The following BAIAP2 variants were observed in gnomAD, a reference collection of about 807,000 sequenced individuals.
The protein encoded by BAIAP2 is BAR/IMD domain containing adaptor protein 2, also known as BAR/IMD domain-containing adapter protein 2.
In BAIAP2, 18 loss-of-function variants were observed where a neutral mutation model predicts 63.0. The ratio of observed to expected loss-of-function variants is 0.29; its 90% confidence interval spans 0.20 to 0.42. The LOEUF is 0.42. Ranked by LOEUF, BAIAP2 falls within the 10% of genes least tolerant of loss-of-function variation. The pLI is 1.00. For missense variants in BAIAP2, 610 were observed against 734.3 expected, an observed-to-expected ratio of 0.83 and a Z score of 1.96; for synonymous variants, 386 against 307.6, an observed-to-expected ratio of 1.25 and a Z score of -2.67.
intron 1 of BAIAP2, among the ~76,000 whole-genome samples, chr17:81,036,467 C>T (rs886787441): frequency 6.6e-6 from 1 of 152,248 alleles, no homozygotes. Context: ...CTGGGAAGCC[C>T]TCTTAGCTCT....
At chr17:81,110,945 G>A (rs373875698) in intron 13 of BAIAP2, 13 of 1,613,764 alleles carry the variant, frequency 8.1e-6, no homozygotes, top group East Asian at 4.5e-5. Context: ...ATTCTGAGCC[G>A]CCTGACTAGA....
rs1463375945 is a variant in BAIAP2 at position 81,116,836 on chromosome 17, C to G, written c.*997C>G. 1 of 155,916 alleles carries G rather than the reference C, an allele frequency of 6.4e-6. No homozygotes were observed. Among genetic ancestry groups the G allele is most frequent in the Admixed American group, 6.2e-5 (1 of 16,222 alleles). 9.7% of individuals were successfully genotyped at this position (155,916 alleles called of 1,614,324 possible). Reference sequence around the variant, plus strand: ...GAGGTGTCTCCAGCAGAGCTCACTCCCGCCTACAGCCACTCACACCCCGGG... The same window carrying G: ...GAGGTGTCTCCAGCAGAGCTCACTCGCGCCTACAGCCACTCACACCCCGGG... On this transcript the variant is annotated 3_prime_UTR_variant, in exon 14 of 14. Transcript: ENST00000428708.
chr17:81,088,024 T>A (rs982752792), intron 6 of BAIAP2, among the ~76,000 whole-genome samples: 1 of 151,540 alleles, frequency 6.6e-6, no homozygotes, highest in Non-Finnish European at 1.5e-5. Flanking sequence ...GCATGGGGAG[T>A]TGAGGAGGAG....
chr17:81,080,378 C>G (rs1406467080), intron 3 of BAIAP2, among the ~76,000 whole-genome samples: 3 of 152,256 alleles, frequency 2.0e-5, no homozygotes, highest in Non-Finnish European at 4.4e-5. Flanking sequence ...CCGCTCGAAG[C>G]TCAGGGCGGG....
chr17:81,056,103 ATGT>A (rs1378680915), intron 2 of BAIAP2, among the ~76,000 whole-genome samples: 1 of 152,120 alleles, frequency 6.6e-6, no homozygotes, highest in Admixed American at 6.5e-5. Flanking sequence ...CTGGCCTGAA[ATGT>A]TGACGCTGGA....
intron 7 of BAIAP2, among the ~76,000 whole-genome samples, chr17:81,101,032 T>C (rs767321781): frequency 1.3e-5 from 2 of 151,808 alleles, no homozygotes; most frequent in African/African-American, 2.4e-5. Flanking sequence ...GGCCCTGTGT[T>C]TCCCGCTAGG....
intron 3 of BAIAP2, among the ~76,000 whole-genome samples, chr17:81,081,272 C>T (rs528904660): frequency 2.0e-5 from 3 of 152,214 alleles, no homozygotes; most frequent in East Asian, 1.9e-4. Context: ...CCGAGAAGCA[C>T]GAGGAGCCCT....
chr17:81,066,701 A>G (rs2051528771), intron 3 of BAIAP2, among the ~76,000 whole-genome samples: 1 of 152,186 alleles, frequency 6.6e-6, no homozygotes, highest in South Asian at 2.1e-4. Flanking sequence ...CCGTTGGCCA[A>G]AGTGGCTCGG....
chr17:81,114,063 C>G (rs1317294008), intron 13 of BAIAP2, among the ~76,000 whole-genome samples: 7 of 148,214 alleles, frequency 4.7e-5, no homozygotes, highest in Non-Finnish European at 1.0e-4. Flanking sequence ...CTCCTGGGTT[C>G]AAGCGATCCT....
intron 3 of BAIAP2, among the ~76,000 whole-genome samples, chr17:81,061,511 A>G (rs778079927): frequency 1.3e-5 from 2 of 152,148 alleles, no homozygotes; most frequent in Admixed American, 6.5e-5. Context: ...TTTTACATAC[A>G]TGGAACCATA....
intron 3 of BAIAP2, among the ~76,000 whole-genome samples, chr17:81,059,711 A>G (rs919091290): frequency 4.6e-5 from 7 of 152,022 alleles, no homozygotes; most frequent in Admixed American, 2.0e-4. Flanking sequence ...TTAGCCTCCT[A>G]GACTGCTGGG....
At chr17:81,072,053 T>C (rs1160038434) in intron 3 of BAIAP2, among the ~76,000 whole-genome samples, 1 of 152,256 alleles carries the variant, frequency 6.6e-6, no homozygotes, top group African/African-American at 2.4e-5. Context: ...GTGTTGGTCC[T>C]GTTGCTCCTC....
intron 1 of BAIAP2, among the ~76,000 whole-genome samples, chr17:81,050,914 C>T (rs554606617): frequency 2.0e-5 from 3 of 151,764 alleles, no homozygotes; most frequent in East Asian, 3.9e-4. Context: ...CAGCATTTCC[C>T]GACCGCCTTC....
At position 81,046,749 on chromosome 17, in the gene BAIAP2, T is replaced by A. The variant is rs4969241; in HGVS notation, c.55-6919T>A. Among the ~76,000 whole-genome samples the A allele has an allele frequency of 0.76, 115,592 of 152,174 alleles. 44,093 individuals are homozygous for A. The highest frequency in any genetic ancestry group is 0.8 in the Middle Eastern group (236 of 294). On this transcript the variant is annotated intron_variant, in intron 1 of 13. Coordinates refer to ENST00000428708, the MANE Select transcript of BAIAP2 (RefSeq NM_001144888.2). The surrounding 1 kb of genome is among the most constrained non-coding windows in gnomAD (Gnocchi z 4.5). ...ACCTCCCTAGTCCATGCTGTACATG[T>A]GGCCGGGGGTTTCCAGGCTTGGCTC...
chr17:81,092,993 G>A (rs547811517), intron 6 of BAIAP2, among the ~76,000 whole-genome samples: 1 of 152,248 alleles, frequency 6.6e-6, no homozygotes, highest in Admixed American at 6.5e-5. Flanking sequence ...CCGCTCGGGG[G>A]CAGGGAGCAG....
chr17:81,111,804 C>T (rs1198328932), intron 13 of BAIAP2, among the ~76,000 whole-genome samples: 1 of 152,242 alleles, frequency 6.6e-6, no homozygotes, highest in African/African-American at 2.4e-5. Flanking sequence ...ACACCTGTGT[C>T]TGGGCGGGTC....
chr17:81,089,417 G>C (rs978990060), intron 6 of BAIAP2, among the ~76,000 whole-genome samples: 3 of 152,356 alleles, frequency 2.0e-5, no homozygotes, highest in Admixed American at 2.0e-4. Flanking sequence ...TGTGGTCCAC[G>C]GTCTGGGCAA....
chr17:81,074,205 T>C (rs995627487), intron 3 of BAIAP2, among the ~76,000 whole-genome samples: 1 of 152,168 alleles, frequency 6.6e-6, no homozygotes, highest in East Asian at 1.9e-4. Context: ...GCTGCAGTAT[T>C]GGGGGCAGGG....
intron 3 of BAIAP2, among the ~76,000 whole-genome samples, chr17:81,068,743 C>T (rs1414335548): frequency 2.6e-5 from 4 of 152,146 alleles, no homozygotes; most frequent in African/African-American, 4.8e-5. Flanking sequence ...TGAAGTCCTG[C>T]GGGAGGGCCT....
Sources: allele counts gnomAD v4.1 joint callset (sites outside exome capture counted in the v4.1 genomes callset), GRCh38; gene constraint gnomAD v4.1.1; non-coding constraint Gnocchi (gnomAD v3.1); transcripts MANE v1.5; gene names NCBI Gene and HGNC (gene_info 2026-07-23, HGNC 2026-07-21).